FXR2: variants seen among roughly 807,000 people sequenced by gnomAD.
The protein encoded by FXR2 is FMR1 autosomal homolog 2.
Under a neutral mutation model 87.3 loss-of-function variants are expected in FXR2, and 9 were observed. The observed-to-expected ratio is 0.10, with a 90% CI of 0.06 to 0.18. The LOEUF (loss-of-function observed/expected upper bound fraction) is 0.18. Among genes scored for constraint, FXR2 ranks in the 10% least tolerant of loss-of-function variants. FXR2 has a pLI of 1.00. For synonymous variants in FXR2, 331 were observed against 328.3 expected (o/e 1.01, Z -0.09); for missense variants, 661 against 893.6 (o/e 0.74, Z 3.32).
Position 7,593,146 on chromosome 17 carries a change from C to A in FXR2, c.1366G>T (p.Glu456Ter). Residue 456 changes from glutamate to a stop codon, truncating the protein, a stop_gained, in exon 13 of 17, where the codon GAG (glutamate) becomes TAG (stop). Coordinates refer to ENST00000250113, the MANE Select transcript of FXR2 (RefSeq NM_004860.4). LOFTEE classifies it high-confidence loss of function. This position sits in a 1 kb window ranked among gnomAD's most constrained non-coding sequence, Gnocchi z 6.1. ...SSDVSTASET[E>*]SEKREEPNRA... Reference sequence around the variant, plus strand: ...TTGGGCTCCTCTCTCTTCTCTGACTCAGTCTCTGAAGCTGTAGACACATCT... The same window carrying A: ...TTGGGCTCCTCTCTCTTCTCTGACTAAGTCTCTGAAGCTGTAGACACATCT... 6.4e-7 allele frequency: 1 copy of A among 1,550,684 alleles called. No homozygotes were observed. The highest frequency in any genetic ancestry group is 8.7e-7 in the Non-Finnish European group (1 of 1,151,582).
rs1037779050 is a variant in FXR2 at position 7,605,504 on chromosome 17, G to T, written c.228+141C>A. On this transcript the variant is annotated intron_variant, in intron 3 of 16. Transcript: ENST00000250113. ...GCTGATCACAACAGTGATAAAAGGG[G>T]AACTGTTGCATTTTACATTTCCATA... The T allele has an allele frequency of 5.2e-6, 3 of 575,666 alleles. No individual in the cohort carries two copies. The East Asian group carries it at 8.4e-5, about 16-fold the overall frequency. The allele number at this position is 575,666 out of a possible 1,614,324, so 35.7% of individuals were successfully genotyped here.
chr17:7,603,846 C>A lies in FXR2; in HGVS notation c.360G>T (p.Glu120Asp). The A allele has an allele frequency of 6.2e-7, 1 of 1,613,950 alleles. No individual in the cohort carries two copies. The highest frequency in any genetic ancestry group is 1.1e-5 in the South Asian group (1 of 91,072). The stretch of plus-strand genomic sequence containing the variant: ...GATTGGGATTAACTGGCCGAAGTCG[C>A]TCCAGGGTAACAATTTCATTGTAGG... ...DATYNEIVTL[E>D]RLRPVNPNPL... Residue 120 changes from glutamate to aspartate, a missense_variant, in exon 5 of 17, where the codon GAG (glutamate) becomes GAT (aspartate). Transcript: ENST00000250113.
intron 7 of FXR2, among the ~76,000 whole-genome samples, chr17:7,598,966 T>G (rs895430109): frequency 6.6e-6 from 1 of 151,752 alleles, no homozygotes; most frequent in Non-Finnish European, 1.5e-5. Context: ...GGCAACATGG[T>G]GAAACACTAA....
Position 7,593,238 on chromosome 17 carries a change from C to CA in FXR2, c.1331-58dup. ...ATTCATCCCACCTCAGGATCCATCA[C>CA]ATCCCCCAAACTGGAAGAATTCTCC... On this transcript the variant is annotated intron_variant, in intron 12 of 16. Coordinates refer to ENST00000250113, the MANE Select transcript of FXR2 (RefSeq NM_004860.4). This position sits in a 1 kb window ranked among gnomAD's most constrained non-coding sequence, Gnocchi z 6.1. 1 of 1,366,236 alleles carries CA rather than the reference C, an allele frequency of 7.3e-7. No individual in the cohort carries two copies. Among genetic ancestry groups the CA allele is most frequent in the African/African-American group, 1.5e-5 (1 of 68,632 alleles). The allele number at this position is 1,366,236 out of a possible 1,614,324, so 84.6% of individuals were successfully genotyped here.
chr17:7,598,892 T>C (rs1041505609), intron 7 of FXR2, among the ~76,000 whole-genome samples: 7 of 152,142 alleles, frequency 4.6e-5, no homozygotes, highest in Admixed American at 1.3e-4. Context: ...ATGCCTGTAA[T>C]CCCAGTACTT....
rs56863633 is a variant in FXR2, at chr17:7,609,979, CATAT to C, written c.82-3834_82-3831del. On this transcript the variant is annotated intron_variant, in intron 1 of 16. Coordinates refer to ENST00000250113, the MANE Select transcript of FXR2 (RefSeq NM_004860.4). Reference sequence around the variant, plus strand: ...ACATATATATACATGTATATGTATACATATATATATACATGTATATGTATACATA... The same window carrying C: ...ACATATATATACATGTATATGTATACATATATACATGTATATGTATACATA... 1.4e-3 allele frequency among the ~76,000 whole-genome samples: 65 copies of C among 47,844 alleles called. 1 individual carries two copies. The highest frequency in any genetic ancestry group is 3.4e-3 in the African/African-American group (64 of 18,576). The allele number at this position is 47,844 out of a possible 152,430, so 31.4% of individuals were successfully genotyped here.
rs547843722 is a variant in FXR2 at position 7,593,805 on chromosome 17, G to A, written c.1107+113C>T. ...CCTATAGCCCCAAATTTCCACAGATGTTTTCTGTTCTACACGGAGAGACAA... is the reference window on the plus strand; with the variant it reads ...CCTATAGCCCCAAATTTCCACAGATATTTTCTGTTCTACACGGAGAGACAA... On this transcript the variant is annotated intron_variant, in intron 11 of 16. Transcript: ENST00000250113. The surrounding 1 kb of genome is among the most constrained non-coding windows in gnomAD (Gnocchi z 6.1). The A allele has an allele frequency of 2.4e-6, 2 of 844,298 alleles. No homozygotes were observed. Among genetic ancestry groups the A allele is most frequent in the African/African-American group, 3.4e-5 (2 of 59,146 alleles). The allele number at this position is 844,298 out of a possible 1,614,324, so 52.3% of individuals were successfully genotyped here.
At chr17:7,609,873 T>C (rs60488088) in intron 1 of FXR2, among the ~76,000 whole-genome samples, 2 of 149,452 alleles carry the variant, frequency 1.3e-5, no homozygotes, top group African/African-American at 4.9e-5. Context: ...ACTATATATA[T>C]ATGTATACAT....
In FXR2 at chr17:7,614,597, C is replaced by T; in HGVS notation, c.-65G>A. 9.5e-7 allele frequency: 1 copy of T among 1,052,508 alleles called. No homozygotes were observed. The highest frequency in any genetic ancestry group is 1.2e-6 in the Non-Finnish European group (1 of 800,416). 65.2% of individuals were successfully genotyped at this position (1,052,508 alleles called of 1,614,324 possible). On this transcript the variant is annotated 5_prime_UTR_variant, in exon 1 of 17. Transcript: ENST00000250113. ...AGCAGCAGTCTGAGTGCGGGCCGGG[C>T]CAGGCCCCCGGCGTCTCCCCGGAGG...
At position 7,593,522 on chromosome 17, in the gene FXR2, C is replaced by A. The variant is rs1184110145; in HGVS notation, c.1211G>T (p.Ser404Ile). Residue 404 changes from serine (S) to isoleucine (I), a missense_variant, in exon 12 of 17, where the codon AGC (serine) becomes ATC (isoleucine). By Grantham distance (142) the Ser-to-Ile change is moderately radical. This residue lies in a region of FXR2 where 409 missense variants were observed against 432.0 expected (regional missense o/e 0.95). Transcript: ENST00000250113. This position sits in a 1 kb window ranked among gnomAD's most constrained non-coding sequence, Gnocchi z 6.1. ...ATCAGTGCTATATCCAGCCTTGTCGCTGCCACCGCTGCCCCGCCCACTCCC... is the reference window on the plus strand; with the variant it reads ...ATCAGTGCTATATCCAGCCTTGTCGATGCCACCGCTGCCCCGCCCACTCCC... ...PPGSGRGSGG[S>I]DKAGYSTDES... 1 of 1,588,226 alleles carries A rather than the reference C, an allele frequency of 6.3e-7. No homozygotes were observed. The highest frequency in any genetic ancestry group is 2.3e-5 in the East Asian group (1 of 43,914).
Position 7,593,276 on chromosome 17 carries a change from A to G in FXR2, c.1331-95T>C. 3.3e-6 allele frequency: 4 copies of G among 1,224,574 alleles called. No homozygotes were observed. Among genetic ancestry groups the G allele is most frequent in the Non-Finnish European group, 4.5e-6 (4 of 888,480 alleles). The allele number at this position is 1,224,574 out of a possible 1,614,324, so 75.9% of individuals were successfully genotyped here. A position where few individuals can be genotyped will look rare whatever the true frequency, so the allele number is the denominator to read the frequency against. On this transcript the variant is annotated intron_variant, in intron 12 of 16. Coordinates refer to ENST00000250113, the MANE Select transcript of FXR2 (RefSeq NM_004860.4). This position sits in a 1 kb window ranked among gnomAD's most constrained non-coding sequence, Gnocchi z 6.1. ...GGAAGAATTCTCCTTCTCACTCACAAGCCTCCCAGCCAATCAATCACTTTT... is the reference window on the plus strand; with the variant it reads ...GGAAGAATTCTCCTTCTCACTCACAGGCCTCCCAGCCAATCAATCACTTTT...
chr17:7,612,054 G>A (rs993712238), intron 1 of FXR2, among the ~76,000 whole-genome samples: 2 of 152,174 alleles, frequency 1.3e-5, no homozygotes. Context: ...ACAGGAGAAA[G>A]GGAAAAGATT....
Position 7,593,737 on chromosome 17 carries a change from G to GA in FXR2, c.1108-113dup, listed in dbSNP as rs2071686416. On this transcript the variant is annotated intron_variant, in intron 11 of 16. Transcript: ENST00000250113. This position sits in a 1 kb window ranked among gnomAD's most constrained non-coding sequence, Gnocchi z 6.1. The stretch of plus-strand genomic sequence containing the variant: ...ATCTAACCTCTCAGGAATGCAGGGA[G>GA]AAGGAAGACACTGGCTAAACAAGGA... The GA allele has an allele frequency of 1.2e-6, 1 of 861,622 alleles. No homozygotes were observed. The highest frequency in any genetic ancestry group is 2.2e-5 in the Admixed American group (1 of 46,388). 53.4% of individuals were successfully genotyped at this position (861,622 alleles called of 1,614,324 possible).
rs573589095 is a variant in FXR2 at position 7,611,354 on chromosome 17, G to A, written c.81+3098C>T. ...TAGCTACAAAATAACTTAGATCCCA[G>A]ATCTAATATTTTATCCTTTAAGAAA... On this transcript the variant is annotated intron_variant, in intron 1 of 16. Coordinates refer to ENST00000250113, the MANE Select transcript of FXR2 (RefSeq NM_004860.4). Among the ~76,000 whole-genome samples the A allele has an allele frequency of 2.6e-4, 39 of 152,218 alleles. 1 individual carries two copies. Among genetic ancestry groups the A allele is most frequent in the Admixed American group, 2.0e-3 (30 of 15,296 alleles).
chr17:7,608,354 G>A (rs2071820897), intron 1 of FXR2, among the ~76,000 whole-genome samples: 1 of 151,312 alleles, frequency 6.6e-6, no homozygotes, highest in Non-Finnish European at 1.5e-5. Context: ...AACACTGGGA[G>A]GCCGAGGCTG....
chr17:7,611,374 A>G (rs2071863143), intron 1 of FXR2, among the ~76,000 whole-genome samples: 1 of 152,200 alleles, frequency 6.6e-6, no homozygotes, highest in Non-Finnish European at 1.5e-5. Context: ...TTTATCCTTT[A>G]AGAAAACTGA....
Position 7,604,100 on chromosome 17 carries a change from CAA to C in FXR2, c.229-22_229-21del. ...ATAAACCTAAAGAAAAGTAGAGAATCAAAGAGATATTGAAGACCACCCAAAAG... is the reference window on the plus strand; with the variant it reads ...ATAAACCTAAAGAAAAGTAGAGAATCAGAGATATTGAAGACCACCCAAAAG... On this transcript the variant is annotated intron_variant, in intron 3 of 16. Coordinates refer to ENST00000250113, the MANE Select transcript of FXR2 (RefSeq NM_004860.4). 1 of 1,543,148 alleles carries C rather than the reference CAA, an allele frequency of 6.5e-7. No individual in the cohort carries two copies. Among genetic ancestry groups the C allele is most frequent in the Non-Finnish European group, 8.8e-7 (1 of 1,138,424 alleles).
chr17:7,605,759 T>A (rs765457729), intron 2 of FXR2, 21 bp from the exon 3 acceptor site: 9 of 1,343,848 alleles, frequency 6.7e-6, no homozygotes, highest in Non-Finnish European at 9.5e-6. Context: ...AACAATAATA[T>A]GAAAAAGCTA....
At chr17:7,602,867 T>C (rs1213643690) in intron 6 of FXR2, 42 bp downstream of exon 6, 1 of 924,534 alleles carries the variant, frequency 1.1e-6, no homozygotes, top group Non-Finnish European at 1.7e-6. Context: ...AAAGAAAAAA[T>C]GTTCAAAAGG....
Sources: allele counts gnomAD v4.1 joint callset (sites outside exome capture counted in the v4.1 genomes callset), GRCh38; gene constraint gnomAD v4.1.1; regional missense constraint gnomAD v4.1.1; non-coding constraint Gnocchi (gnomAD v3.1); transcripts MANE v1.5; gene names NCBI Gene and HGNC (gene_info 2026-07-23, HGNC 2026-07-21).